The following LINGO2 variants were observed in gnomAD, a reference collection of about 807,000 sequenced individuals.
The protein encoded by LINGO2 is leucine-rich repeat and immunoglobulin-like domain-containing nogo receptor-interacting protein 2.
LINGO2 carries 14 observed loss-of-function variants against 30.6 expected under a neutral mutation model. That is an observed-to-expected ratio of 0.46 (90% confidence interval 0.30 to 0.72). LINGO2 has a LOEUF of 0.72. LINGO2 is among the 30% of genes least tolerant of loss of function. LINGO2 has a pLI of 0.07. For synonymous variants in LINGO2, 317 were observed against 288.5 expected (o/e 1.10, Z -1.00); for missense variants, 729 against 751.7 (o/e 0.97, Z 0.35).
intron 4 of LINGO2, among the ~76,000 whole-genome samples, chr9:28,224,316 G>GC (rs1423437848): frequency 6.6e-6 from 1 of 152,030 alleles, no homozygotes; most frequent in Non-Finnish European, 1.5e-5. Context: ...TGCCCGCCTC[G>GC]GCCTCCCAAA....
intron 1 of LINGO2, among the ~76,000 whole-genome samples, chr9:28,556,380 T>G (rs995733268): frequency 3.9e-5 from 6 of 152,056 alleles, no homozygotes; most frequent in Admixed American, 2.0e-4. Flanking sequence ...AAATCATTAG[T>G]GAACTCCCAC....
chr9:28,157,962 C>G (rs1489156428), intron 4 of LINGO2, among the ~76,000 whole-genome samples: 1 of 152,188 alleles, frequency 6.6e-6, no homozygotes, highest in Non-Finnish European at 1.5e-5. Flanking sequence ...CTACATTTTC[C>G]TGTCTTCTTC....
At chr9:29,035,762 T>C in the LINGO2 span, among the ~76,000 whole-genome samples, 7 of 151,940 alleles carry the variant, frequency 4.6e-5, no homozygotes, top group Non-Finnish European at 7.4e-5. Context: ...GTAAGTTGTA[T>C]TGAGCTATCG....
At chr9:28,468,413 G>T (rs1247497899) in intron 2 of LINGO2, among the ~76,000 whole-genome samples, 2 of 152,186 alleles carry the variant, frequency 1.3e-5, no homozygotes, top group African/African-American at 2.4e-5. Context: ...GGGATCTTAG[G>T]CTAGAAACCA....
the LINGO2 span, among the ~76,000 whole-genome samples, chr9:29,010,954 C>T: frequency 3.9e-5 from 6 of 151,936 alleles, no homozygotes; most frequent in South Asian, 4.2e-4. Context: ...ATTCTGAGGC[C>T]GAACTCTATC....
chr9:28,666,803 T>G (rs1828819487), intron 1 of LINGO2, among the ~76,000 whole-genome samples: 1 of 152,214 alleles, frequency 6.6e-6, no homozygotes, highest in African/African-American at 2.4e-5. Context: ...ATATTTGGCC[T>G]TACTTTTGTC....
chr9:28,233,063 A>ATATATATAT (rs1308692360), intron 4 of LINGO2, among the ~76,000 whole-genome samples: 5 of 89,524 alleles, frequency 5.6e-5, no homozygotes, highest in African/African-American at 2.8e-4. Flanking sequence ...TATATATATT[A>ATATATATAT]GATATATAAT....
chr9:28,189,705 A>AAGGGAGGGAGGGAGGGAGGG (rs1819743059), intron 4 of LINGO2, among the ~76,000 whole-genome samples: 1 of 129,462 alleles, frequency 7.7e-6, no homozygotes, highest in Non-Finnish European at 1.7e-5. Flanking sequence ...GGGAGGGAGG[A>AAGGGAGGGAGGGAGGGAGGG]AGGAAGGAAG....
chr9:28,571,200 G>C (rs1029003972), intron 1 of LINGO2, among the ~76,000 whole-genome samples: 1 of 151,864 alleles, frequency 6.6e-6, no homozygotes. Flanking sequence ...TTTTCTTCTT[G>C]GCTGGGGGAA....
chr9:28,977,294 T>G, the LINGO2 span, among the ~76,000 whole-genome samples: 1 of 152,092 alleles, frequency 6.6e-6, no homozygotes, highest in Non-Finnish European at 1.5e-5. Context: ...CTGTCCTGCA[T>G]AAGTTCCTTT....
chr9:29,136,062 T>C, the LINGO2 span, among the ~76,000 whole-genome samples: 1 of 152,230 alleles, frequency 6.6e-6, no homozygotes, highest in African/African-American at 2.4e-5. Context: ...CAGTTTGAGA[T>C]GCCTCTCACT....
the LINGO2 span, among the ~76,000 whole-genome samples, chr9:29,123,951 A>G: frequency 5.1e-4 from 78 of 152,146 alleles, no homozygotes; most frequent in Admixed American, 1.1e-3. Context: ...TCTATTTCAC[A>G]AAAAGGCATA....
intron 1 of LINGO2, among the ~76,000 whole-genome samples, chr9:28,568,475 A>T (rs1823506674): frequency 6.6e-6 from 1 of 152,080 alleles, no homozygotes; most frequent in South Asian, 2.1e-4. Context: ...TGCTGAACCT[A>T]AAAGAAAGAA....
rs551551298 is a variant in LINGO2 at position 28,616,515 on chromosome 9, G to A, written c.-365+53685C>T. ...AATCAGCCACCAGAACTGCCATAAT[G>A]CATTATTAAAATTGCAAGGCATCTC... On this transcript the variant is annotated intron_variant, in intron 1 of 5. Coordinates refer to ENST00000379992, the Ensembl canonical transcript of LINGO2. Among the ~76,000 whole-genome samples, 9 of 152,258 alleles carry A rather than the reference G, an allele frequency of 5.9e-5. No individual in the cohort carries two copies. In the South Asian group the frequency reaches 1.9e-3, roughly 32 times the overall value.
At chr9:28,176,417 A>T (rs1026965328) in intron 4 of LINGO2, among the ~76,000 whole-genome samples, 1 of 152,178 alleles carries the variant, frequency 6.6e-6, no homozygotes, top group East Asian at 1.9e-4. Flanking sequence ...AGCAGTTTTC[A>T]TCTGAATTTT....
chr9:28,900,871 TG>T, the LINGO2 span, among the ~76,000 whole-genome samples: 1 of 152,128 alleles, frequency 6.6e-6, no homozygotes, highest in African/African-American at 2.4e-5. Context: ...GAAAAACAAT[TG>T]GTTTAAGGAG....
At chr9:28,525,364 A>G (rs1343696898) in intron 1 of LINGO2, among the ~76,000 whole-genome samples, 1 of 152,186 alleles carries the variant, frequency 6.6e-6, no homozygotes, top group East Asian at 1.9e-4. Flanking sequence ...CCCATGAAAA[A>G]CTTGTACATG....
intron 3 of LINGO2, among the ~76,000 whole-genome samples, chr9:28,360,330 G>T (rs1820390696): frequency 6.6e-6 from 1 of 152,170 alleles, no homozygotes; most frequent in Non-Finnish European, 1.5e-5. Context: ...AGTAGAGGTA[G>T]TTGGGGATTA....
chr9:28,143,227 C>T (rs1827723832), intron 4 of LINGO2, among the ~76,000 whole-genome samples: 1 of 152,070 alleles, frequency 6.6e-6, no homozygotes, highest in Admixed American at 6.6e-5. Context: ...GACTTCATGT[C>T]CTAGTGGAAT....
Sources: allele counts gnomAD v4.1 joint callset (sites outside exome capture counted in the v4.1 genomes callset), GRCh38; gene constraint gnomAD v4.1.1; transcripts MANE v1.5; gene names NCBI Gene and HGNC (gene_info 2026-07-23, HGNC 2026-07-21).